The following ANKLE2 variants were observed in gnomAD, a reference collection of about 807,000 sequenced individuals.
ANKLE2 encodes the protein ankyrin repeat and LEM domain-containing protein 2.
A neutral mutation model predicts 84.2 loss-of-function variants in ANKLE2; 55 were observed. That is an observed-to-expected ratio of 0.65 (90% CI 0.53 to 0.82). ANKLE2 has a LOEUF of 0.82. ANKLE2 is among the 40% of genes least tolerant of loss of function. ANKLE2 has a pLI of 0.00. For missense variants in ANKLE2, 1,238 were observed against 1,201.9 expected, an observed-to-expected ratio of 1.03 and a Z score of -0.44; for synonymous variants, 551 against 486.1, an observed-to-expected ratio of 1.13 and a Z score of -1.76.
Position 132,740,736 on chromosome 12 carries a change from T to C in ANKLE2, c.1420+683A>G, listed in dbSNP as rs542470932. ...ATCCCTGAAACCAGCCGTTTTCACA[T>C]GCCTGGCACCTACAAACCGCAAGGC... On this transcript the variant is annotated intron_variant, in intron 7 of 12. Transcript: ENST00000357997. Among the ~76,000 whole-genome samples the C allele has an allele frequency of 3.3e-5, 5 of 152,126 alleles. No homozygotes were observed. The East Asian group carries it at 5.8e-4, about 18-fold the overall frequency.
At chr12:132,742,000 A>T (rs2044133286) in intron 6 of ANKLE2, 1 of 350,580 alleles carries the variant, frequency 2.9e-6, no homozygotes, top group Non-Finnish European at 5.5e-6. Flanking sequence ...CTATAGAAAA[A>T]CCAACAACCT....
At chr12:132,734,613 C>A in intron 9 of ANKLE2, 38 bp from the exon 10 acceptor site, 1 of 1,564,582 alleles carries the variant, frequency 6.4e-7, no homozygotes, top group Non-Finnish European at 8.6e-7. Flanking sequence ...GCTGTGAAAC[C>A]AGAAAAAATA....
chr12:132,744,017 G>A (rs950689356), intron 5 of ANKLE2, among the ~76,000 whole-genome samples: 1 of 152,116 alleles, frequency 6.6e-6, no homozygotes, highest in Non-Finnish European at 1.5e-5. Context: ...GCTGCATCGC[G>A]CCCTGGCTGG....
At position 132,734,646 on chromosome 12, in the gene ANKLE2, C is replaced by T. The variant is rs2043969980; in HGVS notation, c.1701-71G>A. ...ATACTCAGAACTACACAGAAAAAAG[C>T]CACTAAAGCTTCAAGTACCAAAGCA... On this transcript the variant is annotated intron_variant, in intron 9 of 12. Transcript: ENST00000357997. 2.8e-6 allele frequency: 4 copies of T among 1,448,440 alleles called. No homozygotes were observed. In the Admixed American group the frequency reaches 6.9e-5, roughly 25 times the overall value. The allele number at this position is 1,448,440 out of a possible 1,614,324, so 89.7% of individuals were successfully genotyped here.
chr12:132,745,339 C>G (rs1473580008), intron 5 of ANKLE2: 1 of 173,590 alleles, frequency 5.8e-6, no homozygotes, highest in Non-Finnish European at 1.3e-5. Context: ...AACTGTCACT[C>G]TACACCAGTG....
At position 132,727,440 on chromosome 12, in the gene ANKLE2, C is replaced by A. The variant is rs2043722333; in HGVS notation, c.2619G>T (p.Trp873Cys). The A allele has an allele frequency of 1.9e-6, 3 of 1,553,768 alleles. 1 individual carries two copies. The highest frequency in any genetic ancestry group is 1.7e-6 in the Non-Finnish European group (2 of 1,148,652). Residue 873 changes from tryptophan to cysteine, a missense_variant, in exon 13 of 13, where the codon TGG becomes TGT. By Grantham distance (215) the Trp-to-Cys change is radical. Transcript: ENST00000357997. The part of the protein sequence containing the change: ...LCYSPSDRQS[W>C]PSPAVKGRFK... ...ACCTTCCTTTCACCGCGGGACTGGGCCAACTGCGGAAAGCAAGAAAGAACT... is the reference window on the plus strand; with the variant it reads ...ACCTTCCTTTCACCGCGGGACTGGGACAACTGCGGAAAGCAAGAAAGAACT...
At chr12:132,746,052 A>C (rs1028546050) in intron 5 of ANKLE2, among the ~76,000 whole-genome samples, 1 of 152,198 alleles carries the variant, frequency 6.6e-6, no homozygotes, top group Non-Finnish European at 1.5e-5. Context: ...GGCTCCCTTT[A>C]AGAATCACGT....
intron 10 of ANKLE2, chr12:132,732,172 G>C (rs1475539446): frequency 1.8e-4 from 27 of 146,384 alleles, no homozygotes; most frequent in African/African-American, 6.2e-4. Flanking sequence ...CCTGGTGTCT[G>C]ATACGCACCG....
At chr12:132,735,586 C>G (rs182818167) in intron 8 of ANKLE2, 74 bp from the exon 9 acceptor site, 86 of 1,241,276 alleles carry the variant, frequency 6.9e-5, no homozygotes, top group Middle Eastern at 5.0e-4. Context: ...GAAGAGCCGT[C>G]GTCATCGCAG....
At chr12:132,752,777 C>G (rs997309686) in intron 2 of ANKLE2, among the ~76,000 whole-genome samples, 4 of 152,186 alleles carry the variant, frequency 2.6e-5, no homozygotes. Context: ...ACAGTAATAA[C>G]AATACTCATA....
At chr12:132,757,573 A>C (rs2044512931) in intron 1 of ANKLE2, 1 of 152,398 alleles carries the variant, frequency 6.6e-6, no homozygotes, top group Non-Finnish European at 1.5e-5. Flanking sequence ...CTGTAATCCC[A>C]GCACTTTGGG....
chr12:132,751,031 G>A (rs541065044), intron 2 of ANKLE2, 182 bp from the exon 3 acceptor site: 10 of 603,236 alleles, frequency 1.7e-5, no homozygotes, highest in East Asian at 1.1e-4. Context: ...TAACAAGCTC[G>A]ACAGTGTGCA....
chr12:132,733,970 C>T (rs1201949848), intron 10 of ANKLE2: 9 of 458,176 alleles, frequency 2.0e-5, no homozygotes, highest in Admixed American at 1.2e-4. Flanking sequence ...GTACCCTCCC[C>T]GACACACAAC....
Position 132,727,199 on chromosome 12 carries a change from C to T in ANKLE2, c.*43G>A. The T allele has an allele frequency of 6.7e-7, 1 of 1,487,934 alleles. No individual in the cohort carries two copies. The highest frequency in any genetic ancestry group is 1.3e-5 in the South Asian group (1 of 76,774). The allele number at this position is 1,487,934 out of a possible 1,614,324, so 92.2% of individuals were successfully genotyped here. On this transcript the variant is annotated 3_prime_UTR_variant, in exon 13 of 13. Transcript: ENST00000357997. ...TTTAGCAATAAACATATGACCCTTC[C>T]TTCTTTAAAAATGAAGAACAAACCG...
Position 132,761,759 on chromosome 12 carries a change from G to A in ANKLE2, c.40C>T (p.Leu14=). ...PRLAAAEWAA[L]AWELLGASVL... ...GAGGCGCCCAGCAGCTCCCAGGCCAGCGCCGCCCACTCGGCCGCCGCCAGC... is the reference window on the plus strand; with the variant it reads ...GAGGCGCCCAGCAGCTCCCAGGCCAACGCCGCCCACTCGGCCGCCGCCAGC... The change falls in exon 1 of 13, where the codon CTG becomes TTG. Residue 14 remains leucine (L), a synonymous_variant. Transcript: ENST00000357997. 2 of 1,206,432 alleles carry A rather than the reference G, an allele frequency of 1.7e-6. No individual in the cohort carries two copies. The highest frequency in any genetic ancestry group is 2.1e-6 in the Non-Finnish European group (2 of 971,334). 74.7% of individuals were successfully genotyped at this position (1,206,432 alleles called of 1,614,324 possible).
chr12:132,758,884 T>A (rs1352812850), intron 1 of ANKLE2: 2 of 150,798 alleles, frequency 1.3e-5, no homozygotes, highest in African/African-American at 4.9e-5. Flanking sequence ...TCCACCCACG[T>A]GGCAGAGTGG....
intron 7 of ANKLE2, among the ~76,000 whole-genome samples, chr12:132,740,543 G>A (rs571853024): frequency 1.3e-5 from 2 of 152,134 alleles, no homozygotes; most frequent in East Asian, 1.9e-4. Context: ...AATGGAATCC[G>A]AGAGAGAGGA....
In ANKLE2 at chr12:132,743,381, T is replaced by A. The variant is rs74731892; in HGVS notation, c.1231-105A>T. ...CATTCATTCATTCATTTATTTATTTTGAGACGGAGTCTCACTGGCGTGATC... is the reference window on the plus strand; with the variant it reads ...CATTCATTCATTCATTTATTTATTTAGAGACGGAGTCTCACTGGCGTGATC... On this transcript the variant is annotated intron_variant, in intron 5 of 12. Transcript: ENST00000357997. The surrounding 1 kb of genome is among the most constrained non-coding windows in gnomAD (Gnocchi z 4.1). 94,446 of 1,385,980 alleles carry A rather than the reference T, an allele frequency of 0.068. 3,500 individuals carry two copies. Among genetic ancestry groups the A allele is most frequent in the East Asian group, 0.11 (4,274 of 38,198 alleles). 85.9% of individuals were successfully genotyped at this position (1,385,980 alleles called of 1,614,324 possible). A position where few individuals can be genotyped will look rare whatever the true frequency, so the allele number is the denominator to read the frequency against.
chr12:132,761,551 C>A (rs963798087), intron 1 of ANKLE2, 67 bp downstream of exon 1: 20 of 1,169,760 alleles, frequency 1.7e-5, no homozygotes, highest in East Asian at 6.8e-5. Flanking sequence ...GGACCCCAGG[C>A]CCGAGGAGGG....
Sources: gnomAD v4.1 joint callset for allele counts (sites outside exome capture counted in the v4.1 genomes callset) on GRCh38, gnomAD v4.1.1 for gene constraint, Gnocchi (gnomAD v3.1) non-coding constraint, MANE v1.5 for transcripts, NCBI Gene and HGNC (gene_info 2026-07-23, HGNC 2026-07-21) for gene names.